ZC2HC1A: variants seen among roughly 807,000 people sequenced by gnomAD.
The protein encoded by ZC2HC1A is zinc finger C2HC domain-containing protein 1A.
In ZC2HC1A, 28 loss-of-function variants were observed where a neutral mutation model predicts 40.7. The ratio of observed to expected loss-of-function variants is 0.69; its 90% CI spans 0.51 to 0.94. The LOEUF (loss-of-function observed/expected upper bound fraction) is 0.94, where lower values mean the gene tolerates loss of function less well. Ranked by LOEUF, ZC2HC1A falls within the 40% of genes least tolerant of loss-of-function variation. The pLI, the probability that ZC2HC1A is intolerant of heterozygous loss-of-function variation, is 0.00. For synonymous variants in ZC2HC1A, 129 were observed against 129.2 expected (o/e 1.00, Z 0.01); for missense variants, 389 against 386.3 (o/e 1.01, Z -0.06).
chr8:78,693,477 G>A (rs1810287182), intron 5 of ZC2HC1A, among the ~76,000 whole-genome samples: 1 of 152,156 alleles, frequency 6.6e-6, no homozygotes, highest in Admixed American at 6.5e-5. Flanking sequence ...TTTCTCTGAT[G>A]GCCAGTAATG....
chr8:78,714,812 CT>C (rs1311803167), intron 7 of ZC2HC1A, among the ~76,000 whole-genome samples: 1 of 151,708 alleles, frequency 6.6e-6, no homozygotes, highest in Non-Finnish European at 1.5e-5. Context: ...CAAAAAAATT[CT>C]TTTTTTAACT....
At chr8:78,668,057 G>A (rs1453588162) in intron 1 of ZC2HC1A, among the ~76,000 whole-genome samples, 2 of 151,858 alleles carry the variant, frequency 1.3e-5, no homozygotes, top group Non-Finnish European at 2.9e-5. Flanking sequence ...AAATTATGTA[G>A]GGCAAAACAG....
chr8:78,699,848 T>TATGTACTATA (rs1810544657), intron 7 of ZC2HC1A, among the ~76,000 whole-genome samples: 1 of 152,198 alleles, frequency 6.6e-6, no homozygotes, highest in Non-Finnish European at 1.5e-5. Context: ...ATGTACTATA[T>TATGTACTATA]TTTCTTTATC....
intron 3 of ZC2HC1A, among the ~76,000 whole-genome samples, chr8:78,684,619 G>T (rs1227682651): frequency 6.6e-6 from 1 of 152,090 alleles, no homozygotes; most frequent in East Asian, 1.9e-4. Context: ...GAAAACCCGA[G>T]AATTAAGTAA....
chr8:78,693,000 T>G (rs1000949135), intron 5 of ZC2HC1A, among the ~76,000 whole-genome samples: 4 of 152,014 alleles, frequency 2.6e-5, no homozygotes, highest in Non-Finnish European at 5.9e-5. Context: ...TTTGTCCTTG[T>G]GATAGTTTGC....
intron 3 of ZC2HC1A, among the ~76,000 whole-genome samples, chr8:78,684,191 T>C (rs1340250395): frequency 3.3e-5 from 5 of 152,338 alleles, no homozygotes; most frequent in African/African-American, 4.8e-5. Flanking sequence ...ACCAACTTAC[T>C]GTATTAGTCC....
intron 1 of ZC2HC1A, among the ~76,000 whole-genome samples, chr8:78,670,802 T>C (rs1444225268): frequency 6.6e-6 from 1 of 152,150 alleles, no homozygotes; most frequent in Non-Finnish European, 1.5e-5. Flanking sequence ...TGTAGGTGAC[T>C]AAAATGCTGT....
chr8:78,713,161 T>C (rs1381052655), intron 7 of ZC2HC1A, among the ~76,000 whole-genome samples: 1 of 152,104 alleles, frequency 6.6e-6, no homozygotes, highest in Admixed American at 6.5e-5. Flanking sequence ...TGTTAACAGG[T>C]AGATTCTAGA....
In ZC2HC1A at chr8:78,678,610, G is replaced by A. The variant is rs1338499985; in HGVS notation, c.141G>A (p.Lys47=). The A allele has an allele frequency of 6.2e-7, 1 of 1,612,436 alleles. No homozygotes were observed. Among genetic ancestry groups the A allele is most frequent in the South Asian group, 1.1e-5 (1 of 90,804 alleles). ...ICQKTATKKR[K]TFDSSRQRAE... ...AGAAGACTGCAACTAAAAAACGGAA[G>A]ACTTTTGATTCAAGCAGACAGAGAG... The change falls in exon 3 of 9, where the codon AAG becomes AAA. Residue 47 remains lysine, a synonymous_variant. Transcript: ENST00000263849.
intron 6 of ZC2HC1A, among the ~76,000 whole-genome samples, chr8:78,697,842 C>T (rs1055534944): frequency 1.3e-5 from 2 of 152,026 alleles, no homozygotes; most frequent in East Asian, 3.9e-4. Flanking sequence ...CCATGCCCAC[C>T]TAATTTTTTG....
At chr8:78,707,723 C>T (rs934957812) in intron 7 of ZC2HC1A, among the ~76,000 whole-genome samples, 2 of 152,104 alleles carry the variant, frequency 1.3e-5, no homozygotes, top group African/African-American at 2.4e-5. Flanking sequence ...AGCTTTCCAA[C>T]TACTGGAAAG....
chr8:78,702,414 C>T (rs1810633520), intron 7 of ZC2HC1A, among the ~76,000 whole-genome samples: 1 of 152,080 alleles, frequency 6.6e-6, no homozygotes, highest in African/African-American at 2.4e-5. Context: ...TTTTAAAAAG[C>T]AGCTCCTAGA....
chr8:78,709,227 CATGT>C (rs1240008193), intron 7 of ZC2HC1A, among the ~76,000 whole-genome samples: 1 of 152,138 alleles, frequency 6.6e-6, no homozygotes, highest in Non-Finnish European at 1.5e-5. Context: ...CAACCAAAGG[CATGT>C]ATGGAGCATT....
intron 7 of ZC2HC1A, among the ~76,000 whole-genome samples, chr8:78,708,186 A>G (rs1028474827): frequency 8.5e-5 from 13 of 152,224 alleles, no homozygotes; most frequent in Non-Finnish European, 1.5e-4. Flanking sequence ...GTAATGCTCA[A>G]TAAATTGAGC....
rs140899604 is a variant in ZC2HC1A at position 78,717,898 on chromosome 8, T to A, written c.*405T>A. ...CAAAAAATTTGGATAAACATTTGTA[T>A]TATTGGTGCCTATCTTCAGATAGTA... On this transcript the variant is annotated 3_prime_UTR_variant, in exon 9 of 9. Coordinates refer to ENST00000263849, the MANE Select transcript of ZC2HC1A (RefSeq NM_016010.3). 17 of 156,106 alleles carry A rather than the reference T, an allele frequency of 1.1e-4. No individual in the cohort carries two copies. In the South Asian group the frequency reaches 3.3e-3, roughly 30 times the overall value. The allele number at this position is 156,106 out of a possible 1,614,324, so 9.7% of individuals were successfully genotyped here. A position where few individuals can be genotyped will look rare whatever the true frequency, so the allele number is the denominator to read the frequency against.
rs1810047232 is a variant in ZC2HC1A at position 78,687,680 on chromosome 8, TTATATATATTTACGTAATACATTA to T, written c.352+1104_352+1127del. Among the ~76,000 whole-genome samples, 2 of 116,942 alleles carry T rather than the reference TTATATATATTTACGTAATACATTA, an allele frequency of 1.7e-5. 1 individual carries two copies. The highest frequency in any genetic ancestry group is 6.1e-5 in the African/African-American group (2 of 32,596). 76.7% of individuals were successfully genotyped at this position (116,942 alleles called of 152,430 possible). The stretch of plus-strand genomic sequence containing the variant: ...ACATTATATATATTTACGTAATACA[TTATATATATTTACGTAATACATTA>T]TATATATATTTACGTAATACATTAT... On this transcript the variant is annotated intron_variant, in intron 4 of 8. Coordinates refer to ENST00000263849, the MANE Select transcript of ZC2HC1A (RefSeq NM_016010.3).
intron 3 of ZC2HC1A, among the ~76,000 whole-genome samples, chr8:78,679,636 G>A (rs1305614641): frequency 6.6e-6 from 1 of 152,134 alleles, no homozygotes; most frequent in Non-Finnish European, 1.5e-5. Flanking sequence ...ATTCAGCATA[G>A]TTGAAAAGCA....
chr8:78,704,638 G>T (rs1041500857), intron 7 of ZC2HC1A, among the ~76,000 whole-genome samples: 1 of 152,062 alleles, frequency 6.6e-6, no homozygotes, highest in Non-Finnish European at 1.5e-5. Context: ...TTTGAATGTT[G>T]GCCCATCTAG....
At chr8:78,672,170 C>CT (rs1444844406) in intron 1 of ZC2HC1A, among the ~76,000 whole-genome samples, 1 of 152,018 alleles carries the variant, frequency 6.6e-6, no homozygotes, top group Non-Finnish European at 1.5e-5. Flanking sequence ...GCTTTTGACT[C>CT]TGAGGCCTAA....
Sources: allele counts gnomAD v4.1 joint callset (sites outside exome capture counted in the v4.1 genomes callset), GRCh38; gene constraint gnomAD v4.1.1; transcripts MANE v1.5; gene names NCBI Gene and HGNC (gene_info 2026-07-23, HGNC 2026-07-21).